The following FMN1 variants were observed in gnomAD, a reference collection of about 807,000 sequenced individuals.
The protein encoded by FMN1 is formin 1.
FMN1 carries 110 observed loss-of-function variants against 132.4 expected under a neutral mutation model. The observed-to-expected ratio is 0.83, with a 90% confidence interval of 0.71 to 0.97. FMN1 has a LOEUF of 0.97. Ranked by LOEUF, FMN1 falls within the 50% of genes least tolerant of loss-of-function variation. FMN1 has a pLI of 0.00. For synonymous variants in FMN1, 722 were observed against 651.7 expected (o/e 1.11, Z -1.64); for missense variants, 1,792 against 1,705.3 (o/e 1.05, Z -0.90).
intron 10 of FMN1, among the ~76,000 whole-genome samples, chr15:32,917,736 A>G (rs906425478): frequency 6.6e-6 from 1 of 152,234 alleles, no homozygotes; most frequent in Non-Finnish European, 1.5e-5. Context: ...ATGTCAGGCT[A>G]TAAATAATCA....
rs549673774 is a variant in FMN1, at chr15:33,084,198, C to T, written c.2043+4601G>A. ...TTTATTCCTTTACTTTCTTAGTAAA[C>T]CTGCTTTTACTTTATGGACTTGCCC... On this transcript the variant is annotated intron_variant, in intron 5 of 20. Coordinates refer to ENST00000616417, the MANE Select transcript of FMN1 (RefSeq NM_001277313.2). Among the ~76,000 whole-genome samples, 57 of 152,306 alleles carry T rather than the reference C, an allele frequency of 3.7e-4. 3 individuals are homozygous for T. In the South Asian group the frequency reaches 0.01, roughly 28 times the overall value.
chr15:32,949,974 TATATACACACACATATATATACAC>T (rs2061598080), intron 9 of FMN1, among the ~76,000 whole-genome samples: 2 of 52,840 alleles, frequency 3.8e-5, no homozygotes, highest in East Asian at 4.7e-4. Context: ...TACACACATA[TATATACACACACATATATATACAC>T]ATACACATAT....
At chr15:33,111,536 G>A (rs759777997) in intron 4 of FMN1, among the ~76,000 whole-genome samples, 5 of 152,158 alleles carry the variant, frequency 3.3e-5, no homozygotes, top group Non-Finnish European at 1.5e-5. Flanking sequence ...ACAAATGTTC[G>A]TAGCATTACG....
chr15:32,903,900 A>C (rs2060356199), intron 12 of FMN1, among the ~76,000 whole-genome samples: 1 of 152,174 alleles, frequency 6.6e-6, no homozygotes, highest in Non-Finnish European at 1.5e-5. Context: ...GTCCTCTTTA[A>C]GCAGAAGGGT....
chr15:33,087,803 A>G (rs1277272683), intron 5 of FMN1, among the ~76,000 whole-genome samples: 2 of 117,640 alleles, frequency 1.7e-5, no homozygotes, highest in South Asian at 2.9e-4. Context: ...ATTTACATAT[A>G]TACATATACA....
rs2031552274 is a variant in FMN1, at chr15:32,969,182, T to C, written c.2519A>G (p.Gln840Arg). ...TTTGTGGTCATTTGGGGGTGAGAGC[T>C]GGCTTAAAGAGGAGATATTCAGCTT... Reference protein sequence around the residue: ...PKKLNISSLSQLSPPNDHKDI... With the variant: ...PKKLNISSLSRLSPPNDHKDI... The change falls in exon 8 of 21, where the codon CAG (glutamine) becomes CGG (arginine). Residue 840 changes from glutamine (Q) to arginine (R), a missense_variant. This residue lies in a region of FMN1 where 1,150 missense variants were observed against 1,043.1 expected (regional missense o/e 1.10). Transcript: ENST00000616417. 2 of 1,613,826 alleles carry C rather than the reference T, an allele frequency of 1.2e-6. No individual in the cohort carries two copies. Among genetic ancestry groups the C allele is most frequent in the East Asian group, 2.2e-5 (1 of 44,890 alleles).
chr15:32,954,592 A>G (rs937485556), intron 9 of FMN1, among the ~76,000 whole-genome samples: 1 of 135,976 alleles, frequency 7.4e-6, no homozygotes, highest in African/African-American at 3.5e-5. Context: ...GTTTACTGAC[A>G]CCAAAGCTGG....
At chr15:33,044,796 A>G (rs910298563) in intron 6 of FMN1, among the ~76,000 whole-genome samples, 2 of 152,154 alleles carry the variant, frequency 1.3e-5, no homozygotes, top group Non-Finnish European at 1.5e-5. Flanking sequence ...TGTACAGAGG[A>G]GCTACCCACT....
At chr15:33,106,444 T>C (rs546726521) in intron 4 of FMN1, among the ~76,000 whole-genome samples, 61 of 152,146 alleles carry the variant, frequency 4.0e-4, no homozygotes, top group African/African-American at 1.5e-3. Flanking sequence ...TTAAATCTAT[T>C]AGCTTTTAGA....
Position 33,153,642 on chromosome 15 carries a change from T to A in FMN1, c.1273A>T (p.Ile425Leu). 6.5e-7 allele frequency: 1 copy of A among 1,536,282 alleles called. No individual in the cohort carries two copies. The highest frequency in any genetic ancestry group is 8.7e-7 in the Non-Finnish European group (1 of 1,146,934). ...GCTTCATCTAACTTCTCACTCTCTA[T>A]CACCTTCAGGGGGACCTTGTTCACG... is the stretch of plus-strand genomic sequence containing the variant. ...GAVNKVPLKV[I>L]ESEKLDEAPE... Residue 425 changes from isoleucine (I) to leucine (L), a missense_variant, in exon 4 of 21, where the codon ATA (isoleucine) becomes TTA (leucine). By Grantham distance (5) the Ile-to-Leu change is conservative. Coordinates refer to ENST00000616417, the MANE Select transcript of FMN1 (RefSeq NM_001277313.2).
chr15:32,938,520 ACT>A (rs763384261), intron 9 of FMN1, among the ~76,000 whole-genome samples: 3 of 152,158 alleles, frequency 2.0e-5, no homozygotes, highest in Non-Finnish European at 2.9e-5. Context: ...CAGAGCAAAG[ACT>A]CTGTCTGAAG....
intron 7 of FMN1, among the ~76,000 whole-genome samples, chr15:32,980,607 CTGTTT>C (rs766439963): frequency 8.5e-5 from 13 of 152,132 alleles, no homozygotes; most frequent in East Asian, 5.8e-4. Context: ...TAACCATTTT[CTGTTT>C]TGTTTTGTTT....
chr15:32,964,862 A>G (rs2031041319), intron 8 of FMN1, among the ~76,000 whole-genome samples: 1 of 152,128 alleles, frequency 6.6e-6, no homozygotes, highest in Admixed American at 6.5e-5. Context: ...AACAACAAAA[A>G]CCAACCAAAA....
intron 17 of FMN1, among the ~76,000 whole-genome samples, chr15:32,831,758 T>C (rs77856896): frequency 6.6e-6 from 1 of 151,994 alleles, no homozygotes; most frequent in Non-Finnish European, 1.5e-5. Context: ...TTTTTTTTTT[T>C]TCTAACTTCT....
intron 16 of FMN1, among the ~76,000 whole-genome samples, chr15:32,873,971 A>G (rs891194400): frequency 3.4e-5 from 5 of 148,350 alleles, no homozygotes; most frequent in South Asian, 4.3e-4. Context: ...ACTCCATTTC[A>G]TTAATGAATA....
intron 6 of FMN1, chr15:33,064,666 G>A (rs2037636024): frequency 9.0e-6 from 2 of 222,734 alleles, no homozygotes; most frequent in Non-Finnish European, 8.8e-6. Context: ...CCAACCACCG[G>A]CTTCCTGAGG....
intron 4 of FMN1, among the ~76,000 whole-genome samples, chr15:33,093,665 T>A (rs890349001): frequency 6.6e-6 from 1 of 152,118 alleles, no homozygotes; most frequent in African/African-American, 2.4e-5. Flanking sequence ...AGCCTCTAAC[T>A]CCTCACTGGG....
intron 6 of FMN1, among the ~76,000 whole-genome samples, chr15:33,043,075 T>C (rs1050568828): frequency 4.6e-5 from 7 of 152,186 alleles, no homozygotes; most frequent in African/African-American, 1.7e-4. Context: ...GGTGCGAAAA[T>C]GGTAGGCATT....
chr15:32,800,080 A>G (rs1409861957), intron 18 of FMN1, among the ~76,000 whole-genome samples: 1 of 151,544 alleles, frequency 6.6e-6, no homozygotes, highest in African/African-American at 2.4e-5. Context: ...GCATACTTTC[A>G]TCTCATTCTC....
Sources: gnomAD v4.1 joint callset for allele counts (sites outside exome capture counted in the v4.1 genomes callset) on GRCh38, gnomAD v4.1.1 for gene constraint, gnomAD v4.1.1 regional missense constraint, MANE v1.5 for transcripts, NCBI Gene and HGNC (gene_info 2026-07-23, HGNC 2026-07-21) for gene names.